SEC31A: variants seen among roughly 807,000 people sequenced by gnomAD.
SEC31A encodes SEC31 homolog A, COPII component, also known as protein transport protein Sec31A.
In SEC31A, 70 loss-of-function variants were observed where a neutral mutation model predicts 151.0. That is an observed-to-expected ratio of 0.46 (90% CI 0.38 to 0.57). The LOEUF (loss-of-function observed/expected upper bound fraction) is 0.57, where lower values mean the gene tolerates loss of function less well. SEC31A is among the 20% of genes least tolerant of loss of function. SEC31A has a pLI of 0.00. For missense variants in SEC31A, 1,330 were observed against 1,471.2 expected (o/e 0.90, Z 1.57); for synonymous variants, 475 against 505.9 (o/e 0.94, Z 0.82).
chr4:82,838,252 C>T (rs1727896032), intron 22 of SEC31A, among the ~76,000 whole-genome samples: 1 of 152,146 alleles, frequency 6.6e-6, no homozygotes, highest in African/African-American at 2.4e-5. Flanking sequence ...TATTCCCCTT[C>T]AAGACTCTTC....
At chr4:82,825,845 T>C (rs1724434276) in intron 24 of SEC31A, among the ~76,000 whole-genome samples, 1 of 152,146 alleles carries the variant, frequency 6.6e-6, no homozygotes, top group Admixed American at 6.5e-5. Context: ...AAAAAATATT[T>C]TGGAGTAATA....
chr4:82,899,855 T>C (rs1028584131), intron 2 of SEC31A: 2 of 152,662 alleles, frequency 1.3e-5, no homozygotes, highest in Non-Finnish European at 2.9e-5. Context: ...CTCTGTTTTC[T>C]GTATGCTAAG....
intron 18 of SEC31A, among the ~76,000 whole-genome samples, chr4:82,853,202 G>C (rs757104084): frequency 3.9e-5 from 6 of 152,142 alleles, no homozygotes; most frequent in Non-Finnish European, 7.4e-5. Context: ...CTGGCATTGG[G>C]GATGCCTCCT....
At chr4:82,831,437 C>T (rs1395493207) in intron 22 of SEC31A, 1 of 152,818 alleles carries the variant, frequency 6.5e-6, no homozygotes, top group South Asian at 2.0e-4. Context: ...TCTTGTTAAA[C>T]CGCAGATTCT....
At chr4:82,841,297 C>T (rs1160923251) in intron 22 of SEC31A, among the ~76,000 whole-genome samples, 2 of 150,938 alleles carry the variant, frequency 1.3e-5, no homozygotes, top group Admixed American at 6.6e-5. Context: ...GTGGTGCACA[C>T]CTGTAATCCC....
intron 22 of SEC31A, chr4:82,831,078 G>T: frequency 3.6e-6 from 1 of 277,804 alleles, no homozygotes; most frequent in Non-Finnish European, 5.9e-6. Flanking sequence ...TCCCCAGAAA[G>T]TGTAAATTAA....
At chr4:82,839,360 A>G (rs902709471) in intron 22 of SEC31A, among the ~76,000 whole-genome samples, 1 of 152,258 alleles carries the variant, frequency 6.6e-6, no homozygotes, top group Non-Finnish European at 1.5e-5. Flanking sequence ...CATGTTGGCC[A>G]GGCTGGTCTT....
chr4:82,858,993 G>A (rs560886216), intron 14 of SEC31A, among the ~76,000 whole-genome samples: 4 of 152,028 alleles, frequency 2.6e-5, no homozygotes, highest in East Asian at 3.9e-4. Flanking sequence ...GAGCCACCAC[G>A]CCAGGCCGGA....
intron 2 of SEC31A, 69 bp from the exon 3 acceptor site, chr4:82,880,991 A>T: frequency 7.4e-7 from 1 of 1,348,834 alleles, no homozygotes; most frequent in South Asian, 1.3e-5. Context: ...TACAAAACAG[A>T]AGTTAAAAGC....
chr4:82,867,284 C>G lies in SEC31A; in HGVS notation c.915G>C (p.Trp305Cys). Residue 305 changes from tryptophan to cysteine, a missense_variant, in exon 9 of 27, where the codon TGG becomes TGC. Physicochemically the swap from Trp to Cys is radical, Grantham distance 215. Transcript: ENST00000395310. ...GGGGACACCACTGAATATCGAAGCACCACTGTGTGTTGGTGGGAAGTTCAT... is the reference window on the plus strand; with the variant it reads ...GGGGACACCACTGAATATCGAAGCAGCACTGTGTGTTGGTGGGAAGTTCAT... ...VLYELPTNTQ[W>C]CFDIQWCPRN... 6.2e-7 allele frequency: 1 copy of G among 1,614,084 alleles called. No individual in the cohort carries two copies. The highest frequency in any genetic ancestry group is 8.5e-7 in the Non-Finnish European group (1 of 1,179,998).
chr4:82,886,180 T>C (rs771010277), intron 1 of SEC31A, among the ~76,000 whole-genome samples: 1 of 152,204 alleles, frequency 6.6e-6, no homozygotes, highest in Non-Finnish European at 1.5e-5. Context: ...CCAGCATGCA[T>C]GATGAAACTG....
intron 1 of SEC31A, chr4:82,890,792 T>TTACCAG (rs1719545024): frequency 1.6e-6 from 2 of 1,279,534 alleles, no homozygotes; most frequent in African/African-American, 3.1e-5. Flanking sequence ...AATCTCAAAC[T>TTACCAG]CCAGTTACCA....
intron 22 of SEC31A, among the ~76,000 whole-genome samples, chr4:82,837,199 A>ATATATTT (rs56888042): frequency 1.2e-5 from 1 of 83,132 alleles, no homozygotes; most frequent in Non-Finnish European, 2.4e-5. Context: ...ATATATATAT[A>ATATATTT]ATTTCACCAC....
At position 82,891,091 on chromosome 4, in the gene SEC31A, G is replaced by C; in HGVS notation, c.-8C>G. Reference sequence around the variant, plus strand: ...AAAAAGCAACGGGCGGACGCACCTGGCGAGGACCTTCGGCAGCCGGATCCT... The same window carrying C: ...AAAAAGCAACGGGCGGACGCACCTGCCGAGGACCTTCGGCAGCCGGATCCT... On this transcript the variant is annotated 5_prime_UTR_variant, in exon 1 of 27. Transcript: ENST00000395310. The C allele has an allele frequency of 6.5e-7, 1 of 1,535,982 alleles. No homozygotes were observed. The highest frequency in any genetic ancestry group is 1.7e-4 in the Middle Eastern group (1 of 5,988).
At chr4:82,839,458 T>C (rs1215437296) in intron 22 of SEC31A, among the ~76,000 whole-genome samples, 1 of 152,094 alleles carries the variant, frequency 6.6e-6, no homozygotes, top group Non-Finnish European at 1.5e-5. Context: ...GCCTAATTTT[T>C]GTATTTTTAG....
At chr4:82,820,948 C>T in intron 26 of SEC31A, 89 bp downstream of exon 26, 1 of 1,054,972 alleles carries the variant, frequency 9.5e-7, no homozygotes, top group South Asian at 1.3e-5. Flanking sequence ...TGCCCCCATG[C>T]ATACTAAATG....
chr4:82,850,895 CAA>C (rs757260277), intron 19 of SEC31A, among the ~76,000 whole-genome samples: 14 of 152,092 alleles, frequency 9.2e-5, no homozygotes, highest in Non-Finnish European at 1.9e-4. Context: ...TAGTTTTGCC[CAA>C]GTTTTATTGT....
intron 15 of SEC31A, 64 bp from the exon 16 acceptor site, chr4:82,857,194 G>C: frequency 2.2e-6 from 3 of 1,359,382 alleles, no homozygotes; most frequent in Non-Finnish European, 3.1e-6. Context: ...CAACAACAAA[G>C]TACTACATCT....
chr4:82,840,345 C>T (rs534446028), intron 22 of SEC31A, among the ~76,000 whole-genome samples: 4 of 152,056 alleles, frequency 2.6e-5, no homozygotes, highest in African/African-American at 9.6e-5. Context: ...TGATTCTTAC[C>T]CAACTACCGA....
Sources: allele counts gnomAD v4.1 joint callset (sites outside exome capture counted in the v4.1 genomes callset), GRCh38; gene constraint gnomAD v4.1.1; transcripts MANE v1.5; gene names NCBI Gene and HGNC (gene_info 2026-07-23, HGNC 2026-07-21).